ALMS1: variants seen among roughly 807,000 people sequenced by gnomAD.
ALMS1 encodes centrosome-associated protein ALMS1.
ALMS1 carries 271 observed loss-of-function variants against 352.2 expected under a neutral mutation model. That is an observed-to-expected ratio of 0.77 (90% CI 0.70 to 0.85). ALMS1 has a LOEUF of 0.85. Ranked by LOEUF, ALMS1 falls within the 40% of genes least tolerant of loss-of-function variation. The probability of loss-of-function intolerance (pLI) is 0.00; values close to 1 mark genes in which losing one functional copy is unlikely to be tolerated. For missense variants in ALMS1, 5,445 were observed against 4,870.7 expected, an observed-to-expected ratio of 1.12 and a Z score of -3.51; for synonymous variants, 1,865 against 1,761.2, an observed-to-expected ratio of 1.06 and a Z score of -1.48.
intron 13 of ALMS1, among the ~76,000 whole-genome samples, chr2:73,553,685 A>T (rs569985676): frequency 6.6e-6 from 1 of 152,224 alleles, no homozygotes; most frequent in Non-Finnish European, 1.5e-5. Flanking sequence ...TATAAACTTA[A>T]TTGAATATTG....
Position 73,601,845 on chromosome 2 carries a change from G to C in ALMS1, c.12115-340G>C, listed in dbSNP as rs560132008. ...AGGTCTCTTCTGATGTGTCCCTTGG[G>C]GGATAAAGGAAATGTTATTAATGAT... On this transcript the variant is annotated intron_variant, in intron 19 of 22. Transcript: ENST00000613296. Among the ~76,000 whole-genome samples, 54 of 152,316 alleles carry C rather than the reference G, an allele frequency of 3.5e-4. 1 individual carries two copies. Among genetic ancestry groups the C allele is most frequent in the African/African-American group, 1.3e-3 (53 of 41,568 alleles).
chr2:73,579,529 T>A (rs1194450351), intron 16 of ALMS1, among the ~76,000 whole-genome samples: 1 of 151,732 alleles, frequency 6.6e-6, no homozygotes, highest in Non-Finnish European at 1.5e-5. Context: ...CCCAGCTAAT[T>A]TTTGTATTTT....
chr2:73,548,512 AG>A (rs1183745768), intron 12 of ALMS1, among the ~76,000 whole-genome samples: 8 of 152,308 alleles, frequency 5.3e-5, no homozygotes, highest in African/African-American at 1.9e-4. Context: ...TGAACTTGAA[AG>A]GGTCATCTCT....
intron 15 of ALMS1, among the ~76,000 whole-genome samples, chr2:73,561,119 C>T (rs1338847464): frequency 6.6e-6 from 1 of 152,256 alleles, no homozygotes; most frequent in Non-Finnish European, 1.5e-5. Flanking sequence ...CGTTGCTATG[C>T]AACCCAGATG....
intron 10 of ALMS1, among the ~76,000 whole-genome samples, chr2:73,514,254 C>T (rs1171275148): frequency 1.3e-5 from 2 of 151,638 alleles, no homozygotes; most frequent in African/African-American, 4.8e-5. Flanking sequence ...TTTTGCTATC[C>T]TCTATTATTT....
chr2:73,603,034 G>T lies in ALMS1; in HGVS notation c.12299-207G>T, dbSNP rs17848871. On this transcript the variant is annotated intron_variant, in intron 20 of 22. Coordinates refer to ENST00000613296, the MANE Select transcript of ALMS1 (RefSeq NM_001378454.1). ...ATTTTTAATTCAAAGCCTAGTCTTT[G>T]CTACAGAGTGTTAGGTCCTTAGGGC... is the stretch of plus-strand genomic sequence containing the variant. Among the ~76,000 whole-genome samples, 105 of 152,318 alleles carry T rather than the reference G, an allele frequency of 6.9e-4. 3 individuals carry two copies. The East Asian group carries it at 0.019, about 27-fold the overall frequency.
At position 73,452,930 on chromosome 2, in the gene ALMS1, C is replaced by T; in HGVS notation, c.6403C>T (p.Pro2135Ser). The T allele has an allele frequency of 6.2e-7, 1 of 1,613,762 alleles. No homozygotes were observed. Among genetic ancestry groups the T allele is most frequent in the East Asian group, 2.2e-5 (1 of 44,862 alleles). ...ACCAGCTGGCCAGAAAACAGTATTA[C>T]CAACAGCTCTTCCTAGTTCCTTTTC... ...PGPAGQKTVLPTALPSSFSHR... is the reference protein window; with the variant it reads ...PGPAGQKTVLSTALPSSFSHR... Residue 2135 changes from proline to serine, a missense_variant, in exon 8 of 23, where the codon CCA becomes TCA. Pro to Ser is a moderately conservative substitution (Grantham distance 74). Coordinates refer to ENST00000613296, the MANE Select transcript of ALMS1 (RefSeq NM_001378454.1).
rs952574608 is a variant in ALMS1 at position 73,448,615 on chromosome 2, A to T, written c.2088A>T (p.Ser696=). Residue 696 remains serine (S), a synonymous_variant, in exon 8 of 23, where the codon TCA becomes TCT. Transcript: ENST00000613296. ...TAACTGATCAGGCTCTGAAAGTCTC[A>T]GCTGTGTCTGGACCAGCTGACCAGA... ...GHLTDQALKV[S]AVSGPADQKT... is the part of the protein sequence containing the mutation. The T allele has an allele frequency of 1.9e-6, 3 of 1,613,920 alleles. No individual in the cohort carries two copies. The highest frequency in any genetic ancestry group is 2.5e-6 in the Non-Finnish European group (3 of 1,179,938).
intron 2 of ALMS1, among the ~76,000 whole-genome samples, chr2:73,418,807 C>G (rs1671229216): frequency 6.6e-6 from 1 of 152,108 alleles, no homozygotes. Context: ...TTTTGTCAGT[C>G]CTTAATATCT....
chr2:73,495,821 G>A (rs1673094654), intron 10 of ALMS1, among the ~76,000 whole-genome samples: 1 of 151,942 alleles, frequency 6.6e-6, no homozygotes, highest in African/African-American at 2.4e-5. Flanking sequence ...TGTAACTTCT[G>A]TCTCTAATAG....
chr2:73,451,867 A>C lies in ALMS1; in HGVS notation c.5340A>C (p.Glu1780Asp). 1 of 1,613,770 alleles carries C rather than the reference A, an allele frequency of 6.2e-7. No individual in the cohort carries two copies. Among genetic ancestry groups the C allele is most frequent in the Non-Finnish European group, 8.5e-7 (1 of 1,179,754 alleles). Residue 1780 changes from glutamate to aspartate, a missense_variant, in exon 8 of 23, where the codon GAA becomes GAC. Coordinates refer to ENST00000613296, the MANE Select transcript of ALMS1 (RefSeq NM_001378454.1). ...AGTTGCCAGATAGTCATCTAACTGA[A>C]GAGGCTCTGAAAGTTTCAAATGTTC... ...QQELPDSHLT[E>D]EALKVSNVPG...
At position 73,559,145 on chromosome 2, in the gene ALMS1, A is replaced by G. The variant is rs752727300; in HGVS notation, c.10384+3A>G. On this transcript the variant is annotated splice_donor_region_variant and intron_variant, in intron 15 of 22. Transcript: ENST00000613296. Reference sequence around the variant, plus strand: ...ATCCCTACAGATCAATATTGAAGGTAATGGGATTGGGTTGTGTATGAGTGT... The same window carrying G: ...ATCCCTACAGATCAATATTGAAGGTGATGGGATTGGGTTGTGTATGAGTGT... 7.4e-6 allele frequency: 12 copies of G among 1,612,734 alleles called. No individual in the cohort carries two copies. The South Asian group carries it at 1.3e-4, about 18-fold the overall frequency.
chr2:73,506,396 A>G lies in ALMS1; in HGVS notation c.9540-13379A>G, dbSNP rs62153179. On this transcript the variant is annotated intron_variant, in intron 10 of 22. Coordinates refer to ENST00000613296, the MANE Select transcript of ALMS1 (RefSeq NM_001378454.1). ...CTTTGGACAGTATGGCCATTTCACAATATTGATTCTTCCTATCCATGAGCA... is the reference window on the plus strand; with the variant it reads ...CTTTGGACAGTATGGCCATTTCACAGTATTGATTCTTCCTATCCATGAGCA... Among the ~76,000 whole-genome samples the G allele has an allele frequency of 7.3e-3, 1,114 of 152,270 alleles. 8 individuals are homozygous for G. Among genetic ancestry groups the G allele is most frequent in the Non-Finnish European group, 9.6e-3 (652 of 68,022 alleles).
chr2:73,502,656 A>G (rs556293326), intron 10 of ALMS1, among the ~76,000 whole-genome samples: 2 of 152,252 alleles, frequency 1.3e-5, no homozygotes, highest in South Asian at 2.1e-4. Context: ...ATATGATCAT[A>G]CATGTTTTCT....
chr2:73,465,403 A>G (rs1378230247), intron 9 of ALMS1, among the ~76,000 whole-genome samples: 1 of 152,210 alleles, frequency 6.6e-6, no homozygotes, highest in Non-Finnish European at 1.5e-5. Flanking sequence ...TTCCCTATTT[A>G]ATAAATGGTG....
chr2:73,595,563 GA>G (rs1675529966), intron 16 of ALMS1, among the ~76,000 whole-genome samples: 2 of 152,280 alleles, frequency 1.3e-5, no homozygotes, highest in South Asian at 4.1e-4. Context: ...TGGATTGTTT[GA>G]TTTTTTTGGA....
At position 73,557,340 on chromosome 2, in the gene ALMS1, A is replaced by G; in HGVS notation, c.10199A>G (p.Gln3400Arg). Residue 3400 changes from glutamine (Q) to arginine (R), a missense_variant, in exon 14 of 23, where the codon CAG (glutamine) becomes CGG (arginine). By Grantham distance (43) the Gln-to-Arg change is conservative (BLOSUM62 1). Coordinates refer to ENST00000613296, the MANE Select transcript of ALMS1 (RefSeq NM_001378454.1). Reference protein sequence around the residue: ...AAQAKEKESLQKDTADSSAAA... With the variant: ...AAQAKEKESLRKDTADSSAAA... ...CAGGCTAAAGAAAAAGAATCTTTGC[A>G]GAAAGATACTGCAGGTAGCTAAACT... 6.2e-7 allele frequency: 1 copy of G among 1,614,166 alleles called. No individual in the cohort carries two copies.
At chr2:73,537,335 G>A (rs910549830) in intron 12 of ALMS1, among the ~76,000 whole-genome samples, 10 of 152,174 alleles carry the variant, frequency 6.6e-5, no homozygotes, top group African/African-American at 2.4e-4. Context: ...GTATGCGTAG[G>A]CCTGTGTATG....
chr2:73,555,535 A>G (rs769652630), intron 13 of ALMS1, among the ~76,000 whole-genome samples: 6 of 152,230 alleles, frequency 3.9e-5, no homozygotes, highest in Non-Finnish European at 7.4e-5. Flanking sequence ...CCTTATGACC[A>G]TGTGATAATA....
Sources: gnomAD v4.1 joint callset for allele counts (sites outside exome capture counted in the v4.1 genomes callset) on GRCh38, gnomAD v4.1.1 for gene constraint, MANE v1.5 for transcripts, NCBI Gene and HGNC (gene_info 2026-07-23, HGNC 2026-07-21) for gene names.